The following UNC13C variants were observed in gnomAD, a reference collection of about 807,000 sequenced individuals.
The protein encoded by UNC13C is protein unc-13 homolog C.
In UNC13C, 174 loss-of-function variants were observed where a neutral mutation model predicts 245.4. That is an observed-to-expected ratio of 0.71 (90% CI 0.63 to 0.80). The LOEUF (loss-of-function observed/expected upper bound fraction) is 0.80. Ranked by LOEUF, UNC13C falls within the 30% of genes least tolerant of loss-of-function variation. The probability of loss-of-function intolerance (pLI) is 0.00; values close to 1 mark genes in which losing one functional copy is unlikely to be tolerated. For synonymous variants in UNC13C, 992 were observed against 895.1 expected (o/e 1.11, Z -1.93); for missense variants, 2,829 against 2,602.9 (o/e 1.09, Z -1.89).
intron 4 of UNC13C, among the ~76,000 whole-genome samples, chr15:54,202,430 C>T (rs2034552557): frequency 6.6e-6 from 1 of 151,904 alleles, no homozygotes; most frequent in Admixed American, 6.6e-5. Flanking sequence ...TACTATAAGC[C>T]ATAGTCACCA....
chr15:54,380,551 A>T (rs1026634781), intron 17 of UNC13C, among the ~76,000 whole-genome samples: 2 of 152,180 alleles, frequency 1.3e-5, no homozygotes, highest in African/African-American at 4.8e-5. Context: ...ACTGTTTTCC[A>T]TAATAGCTGT....
At chr15:54,089,776 A>C (rs1899459819) in intron 2 of UNC13C, among the ~76,000 whole-genome samples, 1 of 152,056 alleles carries the variant, frequency 6.6e-6, no homozygotes, top group African/African-American at 2.4e-5. Context: ...GAAATTTTAA[A>C]GATACACATG....
chr15:53,997,383 A>G (rs1323128469), intron 1 of UNC13C, among the ~76,000 whole-genome samples: 1 of 152,176 alleles, frequency 6.6e-6, no homozygotes, highest in African/African-American at 2.4e-5. Flanking sequence ...ATGGTTTTCA[A>G]AGAAGACAAG....
At chr15:54,399,346 T>C (rs1567239427) in intron 18 of UNC13C, among the ~76,000 whole-genome samples, 1 of 151,770 alleles carries the variant, frequency 6.6e-6, no homozygotes, top group South Asian at 2.1e-4. Context: ...AAATACATAA[T>C]GTAGAGAAGT....
intron 2 of UNC13C, among the ~76,000 whole-genome samples, chr15:54,085,848 T>C (rs1409582852): frequency 6.6e-6 from 1 of 152,126 alleles, no homozygotes; most frequent in Non-Finnish European, 1.5e-5. Flanking sequence ...GCAATGCACT[T>C]TTCTGTCTGC....
intron 30 of UNC13C, 116 bp downstream of exon 30, chr15:54,568,063 T>C: frequency 4.1e-6 from 3 of 730,866 alleles, no homozygotes; most frequent in Non-Finnish European, 5.9e-6. Context: ...TGAAGTATCA[T>C]TAAAAATGGA....
At chr15:54,614,011 A>T (rs1900269156) in intron 30 of UNC13C, among the ~76,000 whole-genome samples, 1 of 151,966 alleles carries the variant, frequency 6.6e-6, no homozygotes, top group Non-Finnish European at 1.5e-5. Context: ...TACTTTAATT[A>T]ATAGCACAAG....
intron 30 of UNC13C, among the ~76,000 whole-genome samples, chr15:54,609,809 A>G (rs2141286703): frequency 1.3e-5 from 2 of 152,354 alleles, no homozygotes; most frequent in Non-Finnish European, 2.9e-5. Context: ...ATTGACTTAC[A>G]GTTCAGCATG....
At chr15:54,061,984 A>T (rs1897859750) in intron 2 of UNC13C, among the ~76,000 whole-genome samples, 1 of 152,162 alleles carries the variant, frequency 6.6e-6, no homozygotes. Flanking sequence ...ATTCATGCCA[A>T]GATGGGGAGT....
At chr15:53,852,498 T>G in the UNC13C span, among the ~76,000 whole-genome samples, 1 of 152,134 alleles carries the variant, frequency 6.6e-6, no homozygotes, top group Non-Finnish European at 1.5e-5. Context: ...GCCACAGACT[T>G]AAAGTCACCC....
intron 20 of UNC13C, among the ~76,000 whole-genome samples, chr15:54,498,122 A>G (rs995188514): frequency 2.0e-4 from 30 of 152,164 alleles, no homozygotes; most frequent in Non-Finnish European, 3.4e-4. Flanking sequence ...CTATATAGGT[A>G]TCTACATTTC....
At chr15:54,273,045 CA>C (rs1208242556) in intron 10 of UNC13C, among the ~76,000 whole-genome samples, 1 of 152,092 alleles carries the variant, frequency 6.6e-6, no homozygotes, top group Non-Finnish European at 1.5e-5. Flanking sequence ...CTTTAGGGAG[CA>C]GTTGGGGGTA....
the UNC13C span, among the ~76,000 whole-genome samples, chr15:53,896,089 C>A: frequency 6.7e-6 from 1 of 149,794 alleles, no homozygotes; most frequent in Non-Finnish European, 1.5e-5. Flanking sequence ...TGACCATCAT[C>A]AAGTCAACTT....
chr15:54,312,293 T>C (rs2037894135), intron 13 of UNC13C, among the ~76,000 whole-genome samples: 2 of 151,712 alleles, frequency 1.3e-5, no homozygotes, highest in Non-Finnish European at 2.9e-5. Flanking sequence ...CAGGGTTTCT[T>C]TGAATACGTG....
intron 2 of UNC13C, among the ~76,000 whole-genome samples, chr15:54,077,754 C>G (rs1196914143): frequency 1.3e-5 from 2 of 152,046 alleles, no homozygotes; most frequent in Admixed American, 1.3e-4. Context: ...TAATAAAAAC[C>G]AGTTTGCTAA....
chr15:54,362,022 G>T (rs2039243726), intron 17 of UNC13C, among the ~76,000 whole-genome samples: 2 of 152,182 alleles, frequency 1.3e-5, no homozygotes, highest in African/African-American at 4.8e-5. Context: ...AAAAAAATAT[G>T]GCCAGGGATT....
At chr15:53,866,836 T>C in the UNC13C span, among the ~76,000 whole-genome samples, 1 of 152,236 alleles carries the variant, frequency 6.6e-6, no homozygotes, top group Non-Finnish European at 1.5e-5. Context: ...AGACTTTTCT[T>C]ACATATGAAC....
intron 19 of UNC13C, among the ~76,000 whole-genome samples, chr15:54,492,778 C>T (rs1893777701): frequency 6.6e-6 from 1 of 152,202 alleles, no homozygotes; most frequent in African/African-American, 2.4e-5. Flanking sequence ...AAATTTCTCC[C>T]CACACTCCAA....
chr15:54,145,522 T>G (rs563012065), intron 4 of UNC13C, among the ~76,000 whole-genome samples: 25 of 152,320 alleles, frequency 1.6e-4, no homozygotes, highest in African/African-American at 6.0e-4. Context: ...AAAGCAGCTG[T>G]GGTGAAAGAT....
Sources: allele counts gnomAD v4.1 joint callset (sites outside exome capture counted in the v4.1 genomes callset), GRCh38; gene constraint gnomAD v4.1.1; transcripts MANE v1.5; gene names NCBI Gene and HGNC (gene_info 2026-07-23, HGNC 2026-07-21).